The following EXT1 variants were observed in gnomAD, a reference collection of about 807,000 sequenced individuals.
EXT1 encodes the protein exostosin-1.
EXT1 carries 20 observed loss-of-function variants against 82.5 expected under a neutral mutation model. The ratio of observed to expected loss-of-function variants is 0.24; its 90% CI spans 0.17 to 0.35. The LOEUF is 0.35. Ranked by LOEUF, EXT1 falls within the 10% of genes least tolerant of loss-of-function variation. The pLI is 1.00. For missense variants in EXT1, 757 were observed against 936.5 expected (o/e 0.81, Z 2.50); for synonymous variants, 348 against 350.8 (o/e 0.99, Z 0.09).
At chr8:118,065,573 TC>T (rs1255728434) in intron 1 of EXT1, among the ~76,000 whole-genome samples, 3 of 152,248 alleles carry the variant, frequency 2.0e-5, no homozygotes, top group African/African-American at 7.2e-5. Context: ...GAGGCTTCCT[TC>T]ACCAAATGAA....
intron 1 of EXT1, among the ~76,000 whole-genome samples, chr8:118,094,105 G>A (rs771691140): frequency 1.8e-4 from 27 of 152,114 alleles, no homozygotes; most frequent in Non-Finnish European, 3.1e-4. Context: ...TCAGGTGACC[G>A]ACCCCCAGCA....
chr8:117,959,189 G>A (rs530727795), intron 1 of EXT1, among the ~76,000 whole-genome samples: 2 of 152,346 alleles, frequency 1.3e-5, no homozygotes, highest in South Asian at 4.1e-4. Context: ...AAAGCTGCAT[G>A]CCTTAGGGAA....
intron 1 of EXT1, among the ~76,000 whole-genome samples, chr8:118,035,370 A>G (rs1466851535): frequency 6.6e-6 from 1 of 152,190 alleles, no homozygotes; most frequent in Admixed American, 6.5e-5. Flanking sequence ...ACCCTCTTGG[A>G]ATCTGCCACA....
At chr8:117,957,860 T>C (rs1430142467) in intron 1 of EXT1, among the ~76,000 whole-genome samples, 1 of 152,252 alleles carries the variant, frequency 6.6e-6, no homozygotes, top group African/African-American at 2.4e-5. Context: ...AGCATATCTG[T>C]GCAGTTCAAG....
At position 117,804,764 on chromosome 8, in the gene EXT1, T is replaced by C. The variant is rs1305657100; in HGVS notation, c.2013A>G (p.Lys671=). Residue 671 remains lysine, a synonymous_variant, in exon 10 of 11, where the codon AAA becomes AAG. Transcript: ENST00000378204. ...VSAVTKLPPI[K]VTQKKQYKET... is the part of the protein sequence containing the mutation. ...CCTTATACTGCTTCTTCTGGGTCAC[T>C]TTGATTGGAGGCAATTTTGTCACAG... is the stretch of plus-strand genomic sequence containing the variant. 2 of 1,614,028 alleles carry C rather than the reference T, an allele frequency of 1.2e-6. No homozygotes were observed. Among genetic ancestry groups the C allele is most frequent in the African/African-American group, 2.7e-5 (2 of 74,928 alleles).
chr8:117,982,165 G>A (rs1815220376), intron 1 of EXT1, among the ~76,000 whole-genome samples: 1 of 152,176 alleles, frequency 6.6e-6, no homozygotes, highest in African/African-American at 2.4e-5. Context: ...CAAGGTGTCA[G>A]TCGGCCACGT....
intron 8 of EXT1, among the ~76,000 whole-genome samples, chr8:117,812,547 C>T (rs148428598): frequency 1.3e-5 from 2 of 152,140 alleles, no homozygotes; most frequent in Non-Finnish European, 2.9e-5. Context: ...GCACCCTCCC[C>T]CTTCCCCTCA....
chr8:117,835,640 C>CT, intron 2 of EXT1, 89 bp from the exon 3 acceptor site: 1 of 996,220 alleles, frequency 1.0e-6, no homozygotes, highest in Non-Finnish European at 1.6e-6. Flanking sequence ...AACTCAATGA[C>CT]TGGCATTTTT....
chr8:117,819,852 T>C, intron 5 of EXT1, 58 bp from the exon 6 acceptor site: 4 of 1,490,210 alleles, frequency 2.7e-6, no homozygotes, highest in Non-Finnish European at 1.9e-6. Context: ...ACTTAGAAAA[T>C]TACTCCTCCT....
intron 1 of EXT1, among the ~76,000 whole-genome samples, chr8:117,916,728 C>G (rs922236005): frequency 6.6e-6 from 1 of 152,020 alleles, no homozygotes; most frequent in South Asian, 2.1e-4. Context: ...GTCTGGCCAA[C>G]ATGGTGAAAC....
intron 1 of EXT1, among the ~76,000 whole-genome samples, chr8:117,904,647 G>A (rs921498533): frequency 4.1e-4 from 63 of 152,112 alleles, no homozygotes; most frequent in Admixed American, 3.4e-3. Context: ...TATAACTCAA[G>A]TGATTCCCAG....
At chr8:117,809,243 ATT>A (rs1491126253) in intron 8 of EXT1, among the ~76,000 whole-genome samples, 2 of 117,100 alleles carry the variant, frequency 1.7e-5, no homozygotes, top group African/African-American at 5.8e-5. Context: ...ATATATATAT[ATT>A]ATGTTCTATT....
chr8:118,094,542 C>A (rs1817576136), intron 1 of EXT1, among the ~76,000 whole-genome samples: 1 of 152,186 alleles, frequency 6.6e-6, no homozygotes. Context: ...ATGACAGTAA[C>A]AATAGTTTCT....
chr8:117,931,878 A>G (rs1814067503), intron 1 of EXT1, among the ~76,000 whole-genome samples: 1 of 152,346 alleles, frequency 6.6e-6, no homozygotes, highest in East Asian at 1.9e-4. Context: ...ATTTTTGATC[A>G]CTTGAAATGT....
chr8:118,012,147 C>T (rs1252624420), intron 1 of EXT1, among the ~76,000 whole-genome samples: 1 of 152,168 alleles, frequency 6.6e-6, no homozygotes, highest in Non-Finnish European at 1.5e-5. Context: ...ACTCACAGAC[C>T]CAGGCCTTCA....
intron 1 of EXT1, among the ~76,000 whole-genome samples, chr8:118,096,545 G>A (rs1221912117): frequency 6.6e-6 from 1 of 151,484 alleles, no homozygotes; most frequent in Non-Finnish European, 1.5e-5. Context: ...AGGTTACAGT[G>A]AGCCGAGATC....
At chr8:117,929,595 T>C (rs570863402) in intron 1 of EXT1, among the ~76,000 whole-genome samples, 1 of 152,288 alleles carries the variant, frequency 6.6e-6, no homozygotes. Flanking sequence ...CTCAATAGAT[T>C]TTTCTAGTAA....
At chr8:118,050,928 C>T (rs1317488106) in intron 1 of EXT1, among the ~76,000 whole-genome samples, 1 of 152,142 alleles carries the variant, frequency 6.6e-6, no homozygotes, top group Non-Finnish European at 1.5e-5. Flanking sequence ...GATCCTTATT[C>T]CCATTTCATT....
At chr8:117,973,882 AAAGG>A (rs541645846) in intron 1 of EXT1, among the ~76,000 whole-genome samples, 12,135 of 96,326 alleles carry the variant, frequency 0.13, 2,157 homozygotes, top group Admixed American at 0.14. Flanking sequence ...AAAGGAAAGG[AAAGG>A]AAGGAAAGGA....
Sources: gnomAD v4.1 joint callset for allele counts (sites outside exome capture counted in the v4.1 genomes callset) on GRCh38, gnomAD v4.1.1 for gene constraint, MANE v1.5 for transcripts, NCBI Gene and HGNC (gene_info 2026-07-23, HGNC 2026-07-21) for gene names.